TXK: variants seen among roughly 807,000 people sequenced by gnomAD.
TXK encodes the protein TXK tyrosine kinase, also known as tyrosine-protein kinase TXK.
Under a neutral mutation model 81.0 loss-of-function variants are expected in TXK, and 60 were observed. The observed-to-expected ratio is 0.74, with a 90% CI of 0.60 to 0.92. The LOEUF (loss-of-function observed/expected upper bound fraction) is 0.92, where lower values mean the gene tolerates loss of function less well. Ranked by LOEUF, TXK falls within the 40% of genes least tolerant of loss-of-function variation. TXK has a pLI of 0.00. For synonymous variants in TXK, 203 were observed against 210.7 expected (o/e 0.96, Z 0.32); for missense variants, 581 against 638.3 (o/e 0.91, Z 0.97).
intron 6 of TXK, among the ~76,000 whole-genome samples, chr4:48,102,370 G>C (rs1227797502): frequency 6.6e-6 from 1 of 152,180 alleles, no homozygotes; most frequent in East Asian, 1.9e-4. Flanking sequence ...TGAAGAGTAA[G>C]CTCAACTGGC....
intron 1 of TXK, among the ~76,000 whole-genome samples, chr4:48,119,561 T>C (rs1695231179): frequency 6.6e-6 from 1 of 152,164 alleles, no homozygotes. Flanking sequence ...CTTCCATTTC[T>C]CTCTTCCTTT....
chr4:48,082,820 C>T (rs73244483), intron 10 of TXK, among the ~76,000 whole-genome samples: 3,550 of 152,202 alleles, frequency 0.023, 42 homozygotes, highest in African/African-American at 0.033. Context: ...AAAGAAGGAA[C>T]GTCAGGAGGA....
chr4:48,071,391 G>C, intron 14 of TXK, 126 bp downstream of exon 14: 1 of 943,936 alleles, frequency 1.1e-6, no homozygotes, highest in Non-Finnish European at 1.6e-6. Flanking sequence ...AGACTCTCAG[G>C]ATCATGACCA....
chr4:48,096,083 C>A lies in TXK; in HGVS notation c.502-861G>T, dbSNP rs138591890. On this transcript the variant is annotated intron_variant, in intron 6 of 14. Coordinates refer to ENST00000264316, the MANE Select transcript of TXK (RefSeq NM_003328.3). ...CAGAACCCAAATAGCATGGTCTGAC[C>A]CTCAAGGTAAACGTACTACATTAAG... is the stretch of plus-strand genomic sequence containing the variant. Among the ~76,000 whole-genome samples, 460 of 152,256 alleles carry A rather than the reference C, an allele frequency of 3.0e-3. 1 individual carries two copies. Among genetic ancestry groups the A allele is most frequent in the Non-Finnish European group, 4.7e-3 (317 of 68,020 alleles).
chr4:48,125,537 G>A (rs886888671), intron 1 of TXK, among the ~76,000 whole-genome samples: 1 of 152,202 alleles, frequency 6.6e-6, no homozygotes, highest in African/African-American at 2.4e-5. Flanking sequence ...GACTCCAGGA[G>A]ACTCTCTCTC....
At chr4:48,120,124 T>TAC in intron 1 of TXK, among the ~76,000 whole-genome samples, 2 of 147,626 alleles carry the variant, frequency 1.4e-5, no homozygotes, top group Non-Finnish European at 3.0e-5. Context: ...TACACATACA[T>TAC]ATGTATATAC....
chr4:48,116,393 T>C (rs1718816048), intron 1 of TXK, among the ~76,000 whole-genome samples: 1 of 152,166 alleles, frequency 6.6e-6, no homozygotes, highest in South Asian at 2.1e-4. Flanking sequence ...AGGTAAGTAT[T>C]ATCAGTCAGG....
intron 1 of TXK, among the ~76,000 whole-genome samples, chr4:48,122,173 A>G (rs1718978744): frequency 1.3e-5 from 2 of 152,184 alleles, no homozygotes; most frequent in Admixed American, 6.5e-5. Context: ...AGAACCCCAC[A>G]ATAGCTCCCC....
rs1716639284 is a variant in TXK at position 48,067,215 on chromosome 4, G to A, written c.*422C>T. On this transcript the variant is annotated 3_prime_UTR_variant, in exon 15 of 15. Transcript: ENST00000264316. Reference sequence around the variant, plus strand: ...TTCAAGGGAGTCCCCTTTATCCCATGAGTTGGAAGAATTTATTTTCATATT... The same window carrying A: ...TTCAAGGGAGTCCCCTTTATCCCATAAGTTGGAAGAATTTATTTTCATATT... 6.2e-6 allele frequency: 1 copy of A among 160,390 alleles called. No homozygotes were observed. The highest frequency in any genetic ancestry group is 1.4e-5 in the Non-Finnish European group (1 of 72,716). 9.9% of individuals were successfully genotyped at this position (160,390 alleles called of 1,614,324 possible).
chr4:48,108,019 C>T (rs1029914489), intron 5 of TXK, among the ~76,000 whole-genome samples: 2 of 151,780 alleles, frequency 1.3e-5, no homozygotes, highest in African/African-American at 2.4e-5. Context: ...TGCAGTGAGC[C>T]GAGATCACGA....
At chr4:48,125,967 A>C (rs892795697) in intron 1 of TXK, among the ~76,000 whole-genome samples, 12 of 152,236 alleles carry the variant, frequency 7.9e-5, no homozygotes, top group African/African-American at 2.9e-4. Flanking sequence ...CTGTACTCCA[A>C]GTCCACCGAT....
In TXK at chr4:48,067,653, A is replaced by G. The variant is rs1716660881; in HGVS notation, c.1568T>C (p.Ile523Thr). The change falls in exon 15 of 15, where the codon ATT becomes ACT. Residue 523 changes from isoleucine (I) to threonine (T), a missense_variant. Coordinates refer to ENST00000264316, the MANE Select transcript of TXK (RefSeq NM_003328.3). ...FAELLRAVTEIAETW is the reference protein window; with the variant it reads ...FAELLRAVTETAETW The stretch of plus-strand genomic sequence containing the variant: ...TGTTTCCGGTCACCAGGTTTCCGCA[A>G]TCTCTGTGACAGCCCGCAGCAGCTC... The G allele has an allele frequency of 6.2e-7, 1 of 1,613,950 alleles. No individual in the cohort carries two copies. Among genetic ancestry groups the G allele is most frequent in the Non-Finnish European group, 8.5e-7 (1 of 1,180,006 alleles).
At chr4:48,108,641 A>G (rs546382743) in intron 5 of TXK, among the ~76,000 whole-genome samples, 1 of 152,378 alleles carries the variant, frequency 6.6e-6, no homozygotes, top group African/African-American at 2.4e-5. Context: ...ACATATTAAT[A>G]AAGCTGTTTT....
At chr4:48,069,332 T>TTC (rs1716745391) in intron 14 of TXK, among the ~76,000 whole-genome samples, 1 of 137,314 alleles carries the variant, frequency 7.3e-6, no homozygotes, top group Non-Finnish European at 1.6e-5. Flanking sequence ...TTTTCTTTTT[T>TTC]TTTTTTTTTT....
At chr4:48,118,014 A>T (rs1718856478) in intron 1 of TXK, among the ~76,000 whole-genome samples, 1 of 152,176 alleles carries the variant, frequency 6.6e-6, no homozygotes, top group African/African-American at 2.4e-5. Context: ...TCCCTGTTCT[A>T]AGAAATTCAA....
At chr4:48,086,734 AG>A in intron 9 of TXK, 97 bp from the exon 10 acceptor site, 1 of 1,160,884 alleles carries the variant, frequency 8.6e-7, no homozygotes, top group Non-Finnish European at 1.2e-6. Context: ...TTTGACAGAG[AG>A]GTTAAAAAAT....
At chr4:48,104,996 A>AT (rs569078659) in intron 5 of TXK, 41 bp from the exon 6 acceptor site, 428 of 1,448,644 alleles carry the variant, frequency 3.0e-4, no homozygotes, top group Non-Finnish European at 3.7e-4. Flanking sequence ...TTTATATTCA[A>AT]TTTTTTTAAG....
chr4:48,070,264 GA>G lies in TXK; in HGVS notation c.1515+1252del, dbSNP rs200668340. Reference sequence around the variant, plus strand: ...TGAGTCAGTGCCCAGAGGTGGAAAAGAAGCCCCTCTGGCTTTATTTCTAAGC... The same window carrying G: ...TGAGTCAGTGCCCAGAGGTGGAAAAGAGCCCCTCTGGCTTTATTTCTAAGC... On this transcript the variant is annotated intron_variant, in intron 14 of 14. Transcript: ENST00000264316. Among the ~76,000 whole-genome samples the G allele has an allele frequency of 9.9e-3, 1,510 of 152,306 alleles. 31 individuals carry two copies. The highest frequency in any genetic ancestry group is 0.032 in the African/African-American group (1,319 of 41,564).
intron 1 of TXK, among the ~76,000 whole-genome samples, chr4:48,121,507 G>A (rs1409523879): frequency 6.6e-6 from 1 of 152,122 alleles, no homozygotes; most frequent in Non-Finnish European, 1.5e-5. Context: ...CAGATCCTCC[G>A]ACAGATATCA....
Sources: gnomAD v4.1 joint callset for allele counts (sites outside exome capture counted in the v4.1 genomes callset) on GRCh38, gnomAD v4.1.1 for gene constraint, MANE v1.5 for transcripts, NCBI Gene and HGNC (gene_info 2026-07-23, HGNC 2026-07-21) for gene names.